DENND5A: variants seen among roughly 807,000 people sequenced by gnomAD.
DENND5A encodes the protein DENN domain-containing protein 5A.
Under a neutral mutation model 140.3 loss-of-function variants are expected in DENND5A, and 64 were observed. The ratio of observed to expected loss-of-function variants is 0.46; its 90% CI spans 0.37 to 0.56. DENND5A has a LOEUF of 0.56. Among genes scored for constraint, DENND5A ranks in the 20% least tolerant of loss-of-function variants. The pLI is 0.00. For synonymous variants in DENND5A, 605 were observed against 607.7 expected, an observed-to-expected ratio of 1.00 and a Z score of 0.07; for missense variants, 1,292 against 1,593.8, an observed-to-expected ratio of 0.81 and a Z score of 3.22.
chr11:9,222,600 A>C (rs1590296962), intron 1 of DENND5A, among the ~76,000 whole-genome samples: 1 of 152,354 alleles, frequency 6.6e-6, no homozygotes, highest in South Asian at 2.1e-4. Context: ...CAGGTCTGAC[A>C]TAAGATCAGA....
chr11:9,147,647 C>T (rs1847477612), intron 15 of DENND5A, among the ~76,000 whole-genome samples: 1 of 152,284 alleles, frequency 6.6e-6, no homozygotes, highest in Middle Eastern at 3.4e-3. Flanking sequence ...AGGACAGATT[C>T]AGAGGCGAGA....
At chr11:9,159,321 C>CTTTTT (rs59379591) in intron 12 of DENND5A, among the ~76,000 whole-genome samples, 1 of 136,840 alleles carries the variant, frequency 7.3e-6, no homozygotes. Context: ...ACTTTTTTTT[C>CTTTTT]TTTTTTTTTT....
At chr11:9,251,652 T>C (rs1278445784) in intron 1 of DENND5A, among the ~76,000 whole-genome samples, 1 of 152,144 alleles carries the variant, frequency 6.6e-6, no homozygotes, top group Admixed American at 6.6e-5. Context: ...CACAGAAGAT[T>C]TGGAATATGG....
chr11:9,177,813 A>G (rs1848596321), intron 8 of DENND5A: 1 of 212,616 alleles, frequency 4.7e-6, no homozygotes, highest in Non-Finnish European at 9.3e-6. Context: ...TCTTGTTTAC[A>G]TGGTTGAGCA....
rs10466509 is a variant in DENND5A, at chr11:9,139,654, T to C, written c.*17A>G. ...GGTGAGTCTTTCTCAGTCCTGCTGCTGGCTGGTGCTGGGAGGTCAGATGTC... is the reference window on the plus strand; with the variant it reads ...GGTGAGTCTTTCTCAGTCCTGCTGCCGGCTGGTGCTGGGAGGTCAGATGTC... On this transcript the variant is annotated 3_prime_UTR_variant, in exon 23 of 23. Transcript: ENST00000328194. 4.8e-3 allele frequency: 7,662 copies of C among 1,610,568 alleles called. 347 individuals carry two copies. The African/African-American group carries it at 0.091, about 19-fold the overall frequency.
chr11:9,228,654 G>C (rs1013884566), intron 1 of DENND5A, among the ~76,000 whole-genome samples: 5 of 151,732 alleles, frequency 3.3e-5, no homozygotes, highest in Non-Finnish European at 7.4e-5. Flanking sequence ...GGGAGGCAGA[G>C]GTTGCAGTGA....
At chr11:9,178,052 A>G (rs1301572571) in intron 8 of DENND5A, 80 bp downstream of exon 8, 25 of 962,406 alleles carry the variant, frequency 2.6e-5, no homozygotes, top group Non-Finnish European at 3.9e-5. Context: ...ACAGATAAAG[A>G]GGCTGGCATA....
chr11:9,139,142 T>C lies in DENND5A; in HGVS notation c.*529A>G, dbSNP rs1847146712. The C allele has an allele frequency of 6.6e-6, 1 of 152,566 alleles. No homozygotes were observed. Among genetic ancestry groups the C allele is most frequent in the South Asian group, 2.1e-4 (1 of 4,832 alleles). The allele number at this position is 152,566 out of a possible 1,614,324, so 9.5% of individuals were successfully genotyped here. On this transcript the variant is annotated 3_prime_UTR_variant, in exon 23 of 23. Transcript: ENST00000328194. ...CAAACAATACTGACAAAAAAGAAAA[T>C]ACGTGGGACTGACTCATCGGTGCTT...
chr11:9,161,458 CAAAT>C (rs1847982582), intron 11 of DENND5A, among the ~76,000 whole-genome samples: 3 of 152,178 alleles, frequency 2.0e-5, no homozygotes, highest in African/African-American at 7.2e-5. Flanking sequence ...ATGCAAGAAA[CAAAT>C]AAACCCTTCA....
intron 1 of DENND5A, among the ~76,000 whole-genome samples, chr11:9,246,402 G>A (rs1363588691): frequency 1.3e-5 from 2 of 152,076 alleles, no homozygotes; most frequent in African/African-American, 2.4e-5. Flanking sequence ...CATGAGGTCA[G>A]GAGATTGAGA....
At chr11:9,215,698 C>T (rs1216244101) in intron 1 of DENND5A, among the ~76,000 whole-genome samples, 1 of 148,304 alleles carries the variant, frequency 6.7e-6, no homozygotes, top group East Asian at 2.0e-4. Context: ...CAGGCACACA[C>T]CACCATGCCC....
At chr11:9,173,086 A>G (rs949399399) in intron 8 of DENND5A, among the ~76,000 whole-genome samples, 2 of 151,976 alleles carry the variant, frequency 1.3e-5, no homozygotes, top group Non-Finnish European at 2.9e-5. Context: ...TCAGACTCCC[A>G]AAGTGCTGGG....
intron 1 of DENND5A, among the ~76,000 whole-genome samples, chr11:9,232,858 T>G (rs993084370): frequency 6.6e-6 from 1 of 152,168 alleles, no homozygotes; most frequent in Non-Finnish European, 1.5e-5. Flanking sequence ...TAAGGTGTGG[T>G]AAAGTCACAC....
chr11:9,186,607 T>G (rs1464689761), intron 5 of DENND5A, among the ~76,000 whole-genome samples: 1 of 152,240 alleles, frequency 6.6e-6, no homozygotes, highest in African/African-American at 2.4e-5. Flanking sequence ...TAAAGAATCT[T>G]TAAAACTCCA....
rs539207304 is a variant in DENND5A, at chr11:9,168,631, C to CA, written c.2151+1224dup. Among the ~76,000 whole-genome samples the CA allele has an allele frequency of 4.8e-3, 693 of 145,358 alleles. 8 individuals are homozygous for CA. The highest frequency in any genetic ancestry group is 0.014 in the African/African-American group (542 of 39,664). ...ACCAAAATTTCTTATGCTACTCTCA[C>CA]AAAAAAAAAAATCCCAGTGCAACTG... On this transcript the variant is annotated intron_variant, in intron 10 of 22. Transcript: ENST00000328194.
At chr11:9,243,158 G>C (rs77627607) in intron 1 of DENND5A, among the ~76,000 whole-genome samples, 1 of 148,460 alleles carries the variant, frequency 6.7e-6, no homozygotes, top group Non-Finnish European at 1.5e-5. Context: ...CTCTTCTGGA[G>C]ACTAACTCAA....
intron 11 of DENND5A, 77 bp from the exon 12 acceptor site, chr11:9,160,942 C>T: frequency 7.1e-7 from 1 of 1,406,884 alleles, no homozygotes; most frequent in Non-Finnish European, 9.9e-7. Context: ...TTCTGACAGC[C>T]TGCACAGTAC....
At chr11:9,259,301 G>A (rs1444506828) in intron 1 of DENND5A, among the ~76,000 whole-genome samples, 1 of 151,822 alleles carries the variant, frequency 6.6e-6, no homozygotes, top group Non-Finnish European at 1.5e-5. Flanking sequence ...ACTCAAGCCT[G>A]TAATCTCAGC....
intron 22 of DENND5A, chr11:9,140,157 TACC>T (rs1267477434): frequency 3.5e-6 from 5 of 1,411,068 alleles, no homozygotes; most frequent in South Asian, 1.2e-5. Context: ...CTCCCACAGC[TACC>T]ACCACCAGGA....
Sources: allele counts gnomAD v4.1 joint callset (sites outside exome capture counted in the v4.1 genomes callset), GRCh38; gene constraint gnomAD v4.1.1; transcripts MANE v1.5; gene names NCBI Gene and HGNC (gene_info 2026-07-23, HGNC 2026-07-21).